ANO8: variants seen among roughly 807,000 people sequenced by gnomAD.
ANO8 encodes the protein anoctamin-8.
A neutral mutation model predicts 120.4 loss-of-function variants in ANO8; 67 were observed. The observed-to-expected ratio is 0.56, with a 90% CI of 0.46 to 0.68. ANO8 has a LOEUF of 0.68. Ranked by LOEUF, ANO8 falls within the 30% of genes least tolerant of loss-of-function variation. ANO8 has a pLI of 0.00. For synonymous variants in ANO8, 727 were observed against 759.2 expected (o/e 0.96, Z 0.70); for missense variants, 1,526 against 1,737.6 (o/e 0.88, Z 2.16).
At position 17,327,684 on chromosome 19, in the gene ANO8, C is replaced by G; in HGVS notation, c.2418+5G>C. 1 of 1,611,952 alleles carries G rather than the reference C, an allele frequency of 6.2e-7. No individual in the cohort carries two copies. On this transcript the variant is annotated splice_donor_5th_base_variant and intron_variant, in intron 14 of 17. Coordinates refer to ENST00000159087, the MANE Select transcript of ANO8 (RefSeq NM_020959.3). ...CTCAGCTCGGATCTCTTGGCTTCCC[C>G]CCACCTGCCACTGGCCGATGCTTTC...
At chr19:17,334,538 T>G (rs1223997933) in intron 1 of ANO8, 27 bp downstream of exon 1, 3 of 1,521,108 alleles carry the variant, frequency 2.0e-6, no homozygotes, top group Non-Finnish European at 1.8e-6. Context: ...CCTGCAACCC[T>G]GTCTGGTCCA....
Position 17,328,664 on chromosome 19 carries a change from TC to T in ANO8, c.1723del (p.Asp575ThrfsTer40). 1.4e-6 allele frequency: 2 copies of T among 1,385,412 alleles called. No individual in the cohort carries two copies. The allele number at this position is 1,385,412 out of a possible 1,614,324, so 85.8% of individuals were successfully genotyped here. On this transcript the variant is annotated frameshift_variant, in exon 13 of 18. Coordinates refer to ENST00000159087, the MANE Select transcript of ANO8 (RefSeq NM_020959.3). LOFTEE classifies it high-confidence loss of function. ...CTCCTCCTTGCCCCCTGGAGGCCCG[TC>T]CCCCTCCTCCCCGCCTTCCCCCGCC... is the stretch of plus-strand genomic sequence containing the variant. ...RRAGEGGEEG[D>X]GPPGGKEEDE...
chr19:17,327,598 G>T, intron 14 of ANO8, 29 bp from the exon 15 acceptor site: 1 of 1,611,710 alleles, frequency 6.2e-7, no homozygotes, highest in African/African-American at 1.3e-5. Context: ...GCTCAGGCGG[G>T]GTCCAGCCGG....
rs769277455 is a variant in ANO8 at position 17,333,507 on chromosome 19, C to T, written c.265G>A (p.Val89Met). 1 of 1,613,048 alleles carries T rather than the reference C, an allele frequency of 6.2e-7. No homozygotes were observed. ...TGCACGATGAGCTCGGGAATGCCCA[C>T]GCGGATGTGGTTCAGCAGCCATAGC... ...TLLWLLNHIR[V>M]GIPELIVQVR... Residue 89 changes from valine (V) to methionine (M), a missense_variant, in exon 3 of 18, where the codon GTG becomes ATG. Val to Met is a conservative substitution (Grantham distance 21, BLOSUM62 1). Transcript: ENST00000159087. The surrounding 1 kb of genome is among the most constrained non-coding windows in gnomAD (Gnocchi z 7.2).
chr19:17,325,240 C>G lies in ANO8; in HGVS notation c.2808G>C (p.Gly936=), dbSNP rs1220241362. The change falls in exon 17 of 18, where the codon GGG becomes GGC. Residue 936 remains glycine, a synonymous_variant. Coordinates refer to ENST00000159087, the MANE Select transcript of ANO8 (RefSeq NM_020959.3). ...GREEARAEGS[G]LDPATSSEKA... is the part of the protein sequence containing the mutation. ...TCTCGGAGGAGGTGGCAGGGTCCAG[C>G]CCAGAGCCCTCGGCCCTCGCCTCCT... The G allele has an allele frequency of 6.2e-7, 1 of 1,610,642 alleles. No individual in the cohort carries two copies. Among genetic ancestry groups the G allele is most frequent in the African/African-American group, 1.3e-5 (1 of 74,938 alleles).
intron 5 of ANO8, among the ~76,000 whole-genome samples, chr19:17,332,565 C>T (rs574009709): frequency 6.6e-6 from 1 of 152,274 alleles, no homozygotes; most frequent in Admixed American, 6.5e-5. Flanking sequence ...TTCCTGCCTC[C>T]ACTTTATCCC....
chr19:17,331,045 C>A, intron 7 of ANO8, 43 bp downstream of exon 7: 2 of 1,613,482 alleles, frequency 1.2e-6, no homozygotes, highest in South Asian at 1.1e-5. Flanking sequence ...GAAAGGAGGG[C>A]GCCTCTGGAT....
chr19:17,327,142 A>G, intron 16 of ANO8, 93 bp downstream of exon 16: 3 of 1,093,562 alleles, frequency 2.7e-6, no homozygotes, highest in Non-Finnish European at 3.9e-6. Context: ...CAGTCTCTGC[A>G]TTTGCCCTTA....
rs2074287162 is a variant in ANO8 at position 17,328,213 on chromosome 19, G to C, written c.2175C>G (p.His725Gln). The C allele has an allele frequency of 6.2e-7, 1 of 1,604,548 alleles. No individual in the cohort carries two copies. The highest frequency in any genetic ancestry group is 2.2e-5 in the East Asian group (1 of 44,562). Residue 725 changes from histidine to glutamine, a missense_variant, in exon 13 of 18, where the codon CAC (histidine) becomes CAG (glutamine). Coordinates refer to ENST00000159087, the MANE Select transcript of ANO8 (RefSeq NM_020959.3). ...SSWIDPPEEEHSPQLTQAELE... is the reference protein window; with the variant it reads ...SSWIDPPEEEQSPQLTQAELE... ...GCTCTGCCTGGGTGAGCTGGGGCGA[G>C]TGTTCCTCCTCCGGCGGGTCAATCC...
intron 11 of ANO8, 44 bp from the exon 12 acceptor site, chr19:17,329,875 G>A (rs1029530522): frequency 3.7e-6 from 6 of 1,613,250 alleles, no homozygotes; most frequent in Non-Finnish European, 4.2e-6. Flanking sequence ...ACCCCCACCC[G>A]ACTCCTTGGA....
In ANO8 at chr19:17,328,181, C is replaced by T; in HGVS notation, c.2207G>A (p.Ser736Asn). The T allele has an allele frequency of 1.3e-6, 2 of 1,591,692 alleles. No individual in the cohort carries two copies. Among genetic ancestry groups the T allele is most frequent in the South Asian group, 1.1e-5 (1 of 90,300 alleles). The change falls in exon 13 of 18, where the codon AGC (serine) becomes AAC (asparagine). Residue 736 changes from serine to asparagine, a missense_variant. Around this residue, in one of 8 missense-constraint regions of ANO8, gnomAD observed 467 missense variants for 425.8 expected, o/e 1.10. Transcript: ENST00000159087. ...SPQLTQAELE[S>N]CMKKYEDTFQ... The stretch of plus-strand genomic sequence containing the variant: ...CCTCACCTCGTACTTCTTCATACAG[C>T]TCTCCAGCTCTGCCTGGGTGAGCTG...
chr19:17,332,817 G>A (rs2074328554), intron 5 of ANO8, 113 bp downstream of exon 5: 3 of 1,206,886 alleles, frequency 2.5e-6, no homozygotes, highest in Non-Finnish European at 3.6e-6. Flanking sequence ...CTAACTCTTT[G>A]CCAACCCCTG....
chr19:17,325,801 GC>G (rs1322475163), intron 16 of ANO8, among the ~76,000 whole-genome samples: 1 of 152,224 alleles, frequency 6.6e-6, no homozygotes, highest in Non-Finnish European at 1.5e-5. Context: ...GGTGGCACAC[GC>G]CTGTAATTCC....
chr19:17,327,577 G>A lies in ANO8; in HGVS notation c.2419-8C>T. Reference sequence around the variant, plus strand: ...CATGGCCTCCATCACCTTCTGCAGGGCGGCAGGAGGGCTCAGGCGGGGTCC... The same window carrying A: ...CATGGCCTCCATCACCTTCTGCAGGACGGCAGGAGGGCTCAGGCGGGGTCC... On this transcript the variant is annotated splice_polypyrimidine_tract_variant and splice_region_variant and intron_variant, in intron 14 of 17. Transcript: ENST00000159087. 6.2e-7 allele frequency: 1 copy of A among 1,613,248 alleles called. No homozygotes were observed. The highest frequency in any genetic ancestry group is 1.3e-5 in the African/African-American group (1 of 75,042).
chr19:17,329,292 GCCGCCC>G, intron 12 of ANO8: 1 of 377,566 alleles, frequency 2.6e-6, no homozygotes, highest in Non-Finnish European at 4.8e-6. Context: ...CTGCTTGCTG[GCCGCCC>G]CCGACCCCAG....
At position 17,329,577 on chromosome 19, in the gene ANO8, T is replaced by C. The variant is rs565909726; in HGVS notation, c.1404+180A>G. ...ACCGACGGACAGATGGACGGACAGA[T>C]GGGGGGACGACAGGCAGAGAGAGGA... On this transcript the variant is annotated intron_variant, in intron 12 of 17. Coordinates refer to ENST00000159087, the MANE Select transcript of ANO8 (RefSeq NM_020959.3). 77 of 610,508 alleles carry C rather than the reference T, an allele frequency of 1.3e-4. No homozygotes were observed. In the African/African-American group the frequency reaches 1.3e-3, roughly 11 times the overall value. 37.8% of individuals were successfully genotyped at this position (610,508 alleles called of 1,614,324 possible). A position where few individuals can be genotyped will look rare whatever the true frequency, so the allele number is the denominator to read the frequency against.
At chr19:17,329,518 G>T in intron 12 of ANO8, 1 of 568,696 alleles carries the variant, frequency 1.8e-6, no homozygotes, top group Non-Finnish European at 3.1e-6. Context: ...CGAGGCTCTG[G>T]GACAGGGACA....
Position 17,334,828 on chromosome 19 carries a change from C to T in ANO8, c.-158G>A. On this transcript the variant is annotated 5_prime_UTR_variant, in exon 1 of 18. Transcript: ENST00000159087. ...CCTCGCTCGCCCGAGCGCTGCTTCTCGTCCCCGCCCGAGCCGAACCTCGAT... is the reference window on the plus strand; with the variant it reads ...CCTCGCTCGCCCGAGCGCTGCTTCTTGTCCCCGCCCGAGCCGAACCTCGAT... 2 of 1,259,720 alleles carry T rather than the reference C, an allele frequency of 1.6e-6. No individual in the cohort carries two copies. Among genetic ancestry groups the T allele is most frequent in the Middle Eastern group, 2.8e-4 (1 of 3,520 alleles). 78.0% of individuals were successfully genotyped at this position (1,259,720 alleles called of 1,614,324 possible).
At chr19:17,330,758 G>T in intron 8 of ANO8, 70 bp downstream of exon 8, 1 of 1,539,318 alleles carries the variant, frequency 6.5e-7, no homozygotes, top group Non-Finnish European at 8.8e-7. Context: ...CTCTGCCTTT[G>T]CTCCTGCAGT....
Sources: gnomAD v4.1 joint callset for allele counts (sites outside exome capture counted in the v4.1 genomes callset) on GRCh38, gnomAD v4.1.1 for gene constraint, gnomAD v4.1.1 regional missense constraint, Gnocchi (gnomAD v3.1) non-coding constraint, MANE v1.5 for transcripts, NCBI Gene and HGNC (gene_info 2026-07-23, HGNC 2026-07-21) for gene names.